MYH6: variants seen among roughly 807,000 people sequenced by gnomAD.
The protein encoded by MYH6 is myosin-6.
Under a neutral mutation model 223.2 loss-of-function variants are expected in MYH6, and 126 were observed. The ratio of observed to expected loss-of-function variants is 0.56; its 90% CI spans 0.49 to 0.65. MYH6 has a LOEUF of 0.65. Among genes scored for constraint, MYH6 ranks in the 30% least tolerant of loss-of-function variants. MYH6 has a pLI of 0.00. For synonymous variants in MYH6, 978 were observed against 1,010.2 expected (o/e 0.97, Z 0.61); for missense variants, 2,040 against 2,536.4 (o/e 0.80, Z 4.20).
At position 23,397,193 on chromosome 14, in the gene MYH6, A is replaced by T. The variant is rs760345212; in HGVS notation, c.2027T>A (p.Ile676Asn). Residue 676 changes from isoleucine (I) to asparagine (N), a missense_variant, in exon 17 of 39, where the codon ATC (isoleucine) becomes AAC (asparagine). Transcript: ENST00000405093. ...ACCTGGAGCCTTCCGCTCATTGGGG[A>T]TGATGCAACGCACAAAGTGAGGATG... ...TTHPHFVRCI[I>N]PNERKAPGVM... 1 of 1,614,188 alleles carries T rather than the reference A, an allele frequency of 6.2e-7. No homozygotes were observed. Among genetic ancestry groups the T allele is most frequent in the East Asian group, 2.2e-5 (1 of 44,876 alleles).
chr14:23,396,970 G>A lies in MYH6; in HGVS notation c.2161C>T (p.Arg721Trp), dbSNP rs387906656. 11 of 1,612,708 alleles carry A rather than the reference G, an allele frequency of 6.8e-6. No homozygotes were observed. The highest frequency in any genetic ancestry group is 6.7e-5 in the Admixed American group (4 of 60,012). The change falls in exon 18 of 39, where the codon CGG becomes TGG. Residue 721 changes from arginine to tryptophan, a missense_variant. Arg to Trp is a moderately radical substitution (Grantham distance 101). Transcript: ENST00000405093. ...GGGCACCCTCATACCCACCTCTGCCGGAAGTCCCCGTAGAGGATGCGGTTG... is the reference window on the plus strand; with the variant it reads ...GGGCACCCTCATACCCACCTCTGCCAGAAGTCCCCGTAGAGGATGCGGTTG... Reference protein sequence around the residue: ...FPNRILYGDFRQRYRILNPVA... With the variant: ...FPNRILYGDFWQRYRILNPVA...
intron 17 of MYH6, 42 bp from the exon 18 acceptor site, chr14:23,397,122 A>C (rs747239510): frequency 6.2e-7 from 1 of 1,614,222 alleles, no homozygotes; most frequent in Admixed American, 1.7e-5. Context: ...CTTAGGGTAA[A>C]GTGGATGCCA....
rs754425935 is a variant in MYH6, at chr14:23,394,062, C to T, written c.2685+6G>A. The T allele has an allele frequency of 3.1e-6, 5 of 1,613,988 alleles. No homozygotes were observed. Among genetic ancestry groups the T allele is most frequent in the East Asian group, 4.5e-5 (2 of 44,888 alleles). Reference sequence around the variant, plus strand: ...GAGGGCTGAAGAGATAATCACGTGGCCTCACCGCCTGCACTTGGAGCTGCA... The same window carrying T: ...GAGGGCTGAAGAGATAATCACGTGGTCTCACCGCCTGCACTTGGAGCTGCA... On this transcript the variant is annotated splice_donor_region_variant and intron_variant, in intron 21 of 38. Transcript: ENST00000405093.
At position 23,388,997 on chromosome 14, in the gene MYH6, C is replaced by T. The variant is rs1186966233; in HGVS notation, c.4037G>A (p.Arg1346Gln). 3.7e-6 allele frequency: 6 copies of T among 1,613,358 alleles called. No individual in the cohort carries two copies. The highest frequency in any genetic ancestry group is 4.5e-5 in the East Asian group (2 of 44,844). ...CTCTGTCTCCTCCTCGTACTGCTCC[C>T]GCAGCAGGTCGCAGTCATGCCGGGC... ...QSARHDCDLL[R>Q]EQYEEETEAK... Residue 1346 changes from arginine to glutamine, a missense_variant, in exon 29 of 39, where the codon CGG becomes CAG. This residue lies in a region of MYH6 where 1,203 missense variants were observed against 1,400.2 expected (regional missense o/e 0.86). Coordinates refer to ENST00000405093, the MANE Select transcript of MYH6 (RefSeq NM_002471.4).
At chr14:23,390,489 T>C (rs1018698919) in intron 25 of MYH6, 43 bp from the exon 26 acceptor site, 13 of 1,601,078 alleles carry the variant, frequency 8.1e-6, no homozygotes, top group Non-Finnish European at 1.1e-5. Flanking sequence ...CCTGGACCCC[T>C]CCACTGGAAT....
chr14:23,396,171 C>T, intron 20 of MYH6, 113 bp downstream of exon 20: 3 of 1,357,626 alleles, frequency 2.2e-6, no homozygotes, highest in South Asian at 1.2e-5. Flanking sequence ...GGTAAAGTAA[C>T]TTGCCCAGGC....
At chr14:23,402,413 G>A (rs773108328) in intron 12 of MYH6, 51 bp downstream of exon 12, 36 of 1,609,022 alleles carry the variant, frequency 2.2e-5, no homozygotes, top group Non-Finnish European at 3.1e-5. Flanking sequence ...CCCGCAGAGA[G>A]CCTGGTCAGC....
intron 7 of MYH6, 84 bp from the exon 8 acceptor site, chr14:23,404,472 T>G: frequency 6.6e-7 from 1 of 1,520,138 alleles, no homozygotes; most frequent in Non-Finnish European, 9.1e-7. Context: ...GCCCTGGCCC[T>G]GAGGAATGGG....
Position 23,393,028 on chromosome 14 carries a change from C to T in MYH6, c.3135G>A (p.Lys1045=), listed in dbSNP as rs758449996. ...DLEGSLEQEK[K]VRMDLERAKR... is the part of the protein sequence containing the mutation. Reference sequence around the variant, plus strand: ...TTGCTCGCTCCAGGTCCATGCGCACCTTCTTCTCTTGCTCTAGGGATCCCT... The same window carrying T: ...TTGCTCGCTCCAGGTCCATGCGCACTTTCTTCTCTTGCTCTAGGGATCCCT... The change falls in exon 24 of 39, where the codon AAG becomes AAA. Residue 1045 remains lysine, a synonymous_variant. Transcript: ENST00000405093. 2 of 1,614,220 alleles carry T rather than the reference C, an allele frequency of 1.2e-6. No homozygotes were observed. Among genetic ancestry groups the T allele is most frequent in the Non-Finnish European group, 1.7e-6 (2 of 1,180,040 alleles).
rs370600272 is a variant in MYH6, at chr14:23,388,865, T to A, written c.4169A>T (p.Glu1390Val). ...DAIQRTEELE[E>V]AKKKLAQRLQ... Reference sequence around the variant, plus strand: ...GGGGGTATCTGGAGCTCACTTGGCCTCTTCGAGCTCCTCAGTCCGCTGAAT... The same window carrying A: ...GGGGGTATCTGGAGCTCACTTGGCCACTTCGAGCTCCTCAGTCCGCTGAAT... The change falls in exon 29 of 39, where the codon GAG (glutamate) becomes GTG (valine). Residue 1390 changes from glutamate to valine, a missense_variant. Glu to Val is a moderately radical substitution (Grantham distance 121, BLOSUM62 -2). This residue lies in a region of MYH6 where 1,203 missense variants were observed against 1,400.2 expected (regional missense o/e 0.86). Coordinates refer to ENST00000405093, the MANE Select transcript of MYH6 (RefSeq NM_002471.4). The A allele has an allele frequency of 6.2e-7, 1 of 1,613,708 alleles. No homozygotes were observed. Among genetic ancestry groups the A allele is most frequent in the African/African-American group, 1.3e-5 (1 of 74,940 alleles).
At chr14:23,392,454 G>A in intron 25 of MYH6, 108 bp downstream of exon 25, 2 of 888,704 alleles carry the variant, frequency 2.3e-6, no homozygotes, top group Admixed American at 3.4e-5. Context: ...GGGTCTATGA[G>A]GCTGCCTGGA....
At position 23,404,353 on chromosome 14, in the gene MYH6, G is replaced by C. The variant is rs768893926; in HGVS notation, c.678C>G (p.Pro226=). 3 of 1,614,242 alleles carry C rather than the reference G, an allele frequency of 1.9e-6. No individual in the cohort carries two copies. The highest frequency in any genetic ancestry group is 3.3e-4 in the Middle Eastern group (2 of 6,062). The change falls in exon 8 of 39, where the codon CCC becomes CCG. Residue 226 remains proline (P), a synonymous_variant. Transcript: ENST00000405093. ...TLEDQIIQAN[P]ALEAFGNAKT... ...TGGCATTGCCGAAGGCCTCCAGAGC[G>C]GGGTTGGCCTGGATGATCTGGTCCT...
At chr14:23,388,566 C>A in intron 29 of MYH6, 1 of 865,866 alleles carries the variant, frequency 1.2e-6, no homozygotes, top group Admixed American at 1.7e-5. Flanking sequence ...GCCCTCACCC[C>A]CCACACAGGC....
intron 25 of MYH6, among the ~76,000 whole-genome samples, chr14:23,392,168 T>G (rs915931097): frequency 2.0e-5 from 3 of 151,436 alleles, no homozygotes; most frequent in African/African-American, 4.9e-5. Context: ...CCGGGAAGAA[T>G]ATGAACAGAG....
In MYH6 at chr14:23,393,731, C is replaced by G. The variant is rs267603951; in HGVS notation, c.2863G>C (p.Asp955His). ...AGTGTCAGCTCCAGGTCATCAATGTCCTTCTTGAGCTCTGAGCACTCGTCT... is the reference window on the plus strand; with the variant it reads ...AGTGTCAGCTCCAGGTCATCAATGTGCTTCTTGAGCTCTGAGCACTCGTCT... ...LEDECSELKK[D>H]IDDLELTLAK... Residue 955 changes from aspartate to histidine, a missense_variant, in exon 22 of 39, where the codon GAC becomes CAC. Coordinates refer to ENST00000405093, the MANE Select transcript of MYH6 (RefSeq NM_002471.4). 6.2e-7 allele frequency: 1 copy of G among 1,614,186 alleles called. No individual in the cohort carries two copies. The highest frequency in any genetic ancestry group is 8.5e-7 in the Non-Finnish European group (1 of 1,180,032).
chr14:23,404,680 T>C (rs1891722999), intron 7 of MYH6, 31 bp downstream of exon 7: 2 of 1,600,616 alleles, frequency 1.2e-6, no homozygotes, highest in Admixed American at 1.7e-5. Context: ...CCCCAACCCC[T>C]GTTCTGCCGA....
At chr14:23,390,500 C>T (rs551010672) in intron 25 of MYH6, 54 bp from the exon 26 acceptor site, 3 of 1,592,094 alleles carry the variant, frequency 1.9e-6, no homozygotes, top group Admixed American at 3.5e-5. Context: ...CCACTGGAAT[C>T]CCCCCGGCTC....
chr14:23,397,177 C>T lies in MYH6; in HGVS notation c.2043G>A (p.Lys681=). 6.2e-7 allele frequency: 1 copy of T among 1,614,236 alleles called. No individual in the cohort carries two copies. Among genetic ancestry groups the T allele is most frequent in the East Asian group, 2.2e-5 (1 of 44,890 alleles). Residue 681 remains lysine, a synonymous_variant, in exon 17 of 39, where the codon AAG becomes AAA. Transcript: ENST00000405093. ...FVRCIIPNER[K]APGVMDNPLV... ...GGTCTTCTCCTGGCTCACCTGGAGC[C>T]TTCCGCTCATTGGGGATGATGCAAC... is the stretch of plus-strand genomic sequence containing the variant.
intron 36 of MYH6, 28 bp downstream of exon 36, chr14:23,384,414 T>C (rs753017102): frequency 6.2e-7 from 1 of 1,606,506 alleles, no homozygotes; most frequent in Admixed American, 1.7e-5. Context: ...CTTCCACATC[T>C]ACTCCTGGTG....
Sources: gnomAD v4.1 joint callset for allele counts (sites outside exome capture counted in the v4.1 genomes callset) on GRCh38, gnomAD v4.1.1 for gene constraint, gnomAD v4.1.1 regional missense constraint, MANE v1.5 for transcripts, NCBI Gene and HGNC (gene_info 2026-07-23, HGNC 2026-07-21) for gene names.